The following LRRC37A2 variants were observed in gnomAD, a reference collection of about 807,000 sequenced individuals.
LRRC37A2 encodes the protein leucine-rich repeat-containing protein 37A2.
LRRC37A2 carries 9 observed loss-of-function variants against 68.8 expected under a neutral mutation model. That is an observed-to-expected ratio of 0.13 (90% CI 0.08 to 0.23). The LOEUF is 0.23. Ranked by LOEUF, LRRC37A2 falls within the 10% of genes least tolerant of loss-of-function variation. The pLI is 1.00. For missense variants in LRRC37A2, 168 were observed against 950.4 expected (o/e 0.18, Z 10.82); for synonymous variants, 63 against 367.6 (o/e 0.17, Z 9.48).
chr17:46,934,062 C>T, the LRRC37A2 span, among the ~76,000 whole-genome samples: 1 of 152,214 alleles, frequency 6.6e-6, no homozygotes, highest in Non-Finnish European at 1.5e-5. Flanking sequence ...CTATAGTCCA[C>T]TTTCAGAGCA....
the LRRC37A2 span, among the ~76,000 whole-genome samples, chr17:46,839,522 T>TTA: frequency 2.0e-3 from 296 of 151,596 alleles, 1 homozygote; most frequent in African/African-American, 5.3e-3. Flanking sequence ...TGTAAATTCT[T>TTA]TATATATATA....
chr17:46,737,603 G>T, the LRRC37A2 span, among the ~76,000 whole-genome samples: 1 of 140,874 alleles, frequency 7.1e-6, no homozygotes, highest in African/African-American at 2.6e-5. Context: ...GTGTGTGTGT[G>T]TTTTCTGATC....
chr17:46,491,617 TATA>T, the LRRC37A2 span, among the ~76,000 whole-genome samples: 3 of 137,116 alleles, frequency 2.2e-5, no homozygotes, highest in African/African-American at 9.5e-5. Context: ...AAATGTTAGT[TATA>T]ATGATAGGCA....
chr17:46,792,890 G>A, the LRRC37A2 span, among the ~76,000 whole-genome samples: 2 of 151,998 alleles, frequency 1.3e-5, no homozygotes, highest in African/African-American at 4.8e-5. Context: ...CCAATTTAAC[G>A]GATGATGACA....
the LRRC37A2 span, chr17:46,768,593 G>C: frequency 6.2e-7 from 1 of 1,614,196 alleles, no homozygotes; most frequent in Non-Finnish European, 8.5e-7. This position sits in a 1 kb window ranked among gnomAD's most constrained non-coding sequence, Gnocchi z 5.0. Context: ...GTGGCTTGAA[G>C]AGCGAGTACT....
At chr17:46,779,040 G>A in the LRRC37A2 span, among the ~76,000 whole-genome samples, 4 of 81,520 alleles carry the variant, frequency 4.9e-5, no homozygotes, top group East Asian at 2.7e-4. Context: ...GTTATTCCCC[G>A]GTCCCTACCC....
chr17:46,963,768 A>G, the LRRC37A2 span: 1 of 152,104 alleles, frequency 6.6e-6, no homozygotes, highest in South Asian at 2.1e-4. Flanking sequence ...GAGAAGCTTG[A>G]GTTTTGGAGA....
the LRRC37A2 span, among the ~76,000 whole-genome samples, chr17:46,787,022 T>G: frequency 6.6e-6 from 1 of 151,890 alleles, no homozygotes; most frequent in African/African-American, 2.4e-5. Context: ...ACTGCAGCCT[T>G]GAACTACTTG....
chr17:47,021,742 G>A, the LRRC37A2 span: 2 of 808,198 alleles, frequency 2.5e-6, no homozygotes, highest in Non-Finnish European at 4.1e-6. Flanking sequence ...GAAAGCAGGT[G>A]TTATTTTCTG....
At chr17:46,943,202 A>G in the LRRC37A2 span, among the ~76,000 whole-genome samples, 2 of 152,098 alleles carry the variant, frequency 1.3e-5, no homozygotes, top group Non-Finnish European at 2.9e-5. Flanking sequence ...GCAGAGACCA[A>G]CTAGGGGCAG....
chr17:46,751,451 G>A, the LRRC37A2 span: 1 of 1,262,654 alleles, frequency 7.9e-7, no homozygotes, highest in East Asian at 2.3e-5. Flanking sequence ...ATTAACCAAT[G>A]TTGATGTGTT....
At chr17:47,039,923 C>T in the LRRC37A2 span, among the ~76,000 whole-genome samples, 10 of 151,648 alleles carry the variant, frequency 6.6e-5, no homozygotes, top group South Asian at 1.0e-3. Context: ...ATTCTTTCTT[C>T]GGCCTGCTGT....
chr17:46,973,583 C>T, the LRRC37A2 span, among the ~76,000 whole-genome samples: 1 of 152,184 alleles, frequency 6.6e-6, no homozygotes, highest in African/African-American at 2.4e-5. Context: ...AGAACTATGA[C>T]TGCAAGGGTG....
the LRRC37A2 span, among the ~76,000 whole-genome samples, chr17:46,996,883 C>T: frequency 6.6e-6 from 1 of 152,184 alleles, no homozygotes; most frequent in Non-Finnish European, 1.5e-5. Flanking sequence ...GGTGACAGTT[C>T]CTTCAGCCCC....
the LRRC37A2 span, among the ~76,000 whole-genome samples, chr17:46,928,403 AGAGTCCAGCAGGCC>A: frequency 6.6e-6 from 1 of 152,118 alleles, no homozygotes; most frequent in Non-Finnish European, 1.5e-5. Context: ...GGATGATGTG[AGAGTCCAGCAGGCC>A]CCCTTCATGT....
At chr17:46,802,600 C>G in the LRRC37A2 span, among the ~76,000 whole-genome samples, 1 of 152,136 alleles carries the variant, frequency 6.6e-6, no homozygotes, top group Non-Finnish European at 1.5e-5. Context: ...AACCCTAACC[C>G]CAACCCCATC....
the LRRC37A2 span, chr17:46,773,896 C>T: frequency 1.9e-6 from 3 of 1,611,702 alleles, no homozygotes; most frequent in African/African-American, 2.7e-5. Context: ...TACTGCTGGC[C>T]CAGGGCCAGG....
chr17:47,045,033 T>C, the LRRC37A2 span, among the ~76,000 whole-genome samples: 966 of 146,986 alleles, frequency 6.6e-3, 9 homozygotes, highest in African/African-American at 0.023. Context: ...AGAAACACCT[T>C]TGTGGCAGAG....
chr17:46,449,696 A>G, the LRRC37A2 span, among the ~76,000 whole-genome samples: 1 of 98,074 alleles, frequency 1.0e-5, no homozygotes, highest in African/African-American at 3.8e-5. Context: ...CTACCTTTCA[A>G]TACTAAAATG....
Sources: allele counts gnomAD v4.1 joint callset (sites outside exome capture counted in the v4.1 genomes callset), GRCh38; gene constraint gnomAD v4.1.1; non-coding constraint Gnocchi (gnomAD v3.1); transcripts MANE v1.5; gene names NCBI Gene and HGNC (gene_info 2026-07-23, HGNC 2026-07-21).